Variants in CDH12 observed in about 807,000 individuals in gnomAD.
CDH12 encodes the protein cadherin-12.
CDH12 carries 41 observed loss-of-function variants against 74.1 expected under a neutral mutation model. That is an observed-to-expected ratio of 0.55 (90% CI 0.43 to 0.72). The LOEUF (loss-of-function observed/expected upper bound fraction) is 0.72, where lower values mean the gene tolerates loss of function less well. CDH12 is among the 30% of genes least tolerant of loss of function. The pLI is 0.00. For synonymous variants in CDH12, 399 were observed against 355.0 expected (o/e 1.12, Z -1.39); for missense variants, 945 against 977.2 (o/e 0.97, Z 0.44).
chr5:21,976,010 A>T (rs1428774031), intron 5 of CDH12, among the ~76,000 whole-genome samples: 1 of 152,168 alleles, frequency 6.6e-6, no homozygotes, highest in Non-Finnish European at 1.5e-5. Context: ...CTCAGAAAAC[A>T]CTAAGCATTT....
intron 3 of CDH12, among the ~76,000 whole-genome samples, chr5:22,258,091 G>A (rs1053086349): frequency 1.3e-5 from 2 of 152,052 alleles, no homozygotes; most frequent in African/African-American, 4.8e-5. Context: ...AGCTGAGGAC[G>A]TAAAGTTTTT....
At chr5:21,773,184 C>A (rs1259445592) in intron 11 of CDH12, among the ~76,000 whole-genome samples, 1 of 152,098 alleles carries the variant, frequency 6.6e-6, no homozygotes, top group Non-Finnish European at 1.5e-5. Context: ...ATTAGTGATT[C>A]TTTCTTCGAA....
intron 1 of CDH12, among the ~76,000 whole-genome samples, chr5:22,681,228 G>GGGGTGA (rs1428206303): frequency 9.5e-6 from 1 of 105,754 alleles, no homozygotes; most frequent in African/African-American, 3.1e-5. Context: ...GGTATTGGGG[G>GGGGTGA]GTGTGTGTGT....
intron 1 of CDH12, among the ~76,000 whole-genome samples, chr5:22,775,645 C>G (rs1747052261): frequency 6.6e-6 from 1 of 151,878 alleles, no homozygotes; most frequent in African/African-American, 2.4e-5. Flanking sequence ...TGTAGACTGA[C>G]TTCATGAGAA....
At chr5:22,207,751 T>C (rs973626847) in intron 4 of CDH12, among the ~76,000 whole-genome samples, 4 of 152,190 alleles carry the variant, frequency 2.6e-5, no homozygotes, top group African/African-American at 9.7e-5. Flanking sequence ...CCAAAAATAG[T>C]ATGCCCCAAA....
intron 3 of CDH12, among the ~76,000 whole-genome samples, chr5:22,217,478 A>G (rs1017472658): frequency 2.0e-5 from 3 of 151,744 alleles, no homozygotes; most frequent in Admixed American, 2.0e-4. Context: ...AAAAAAGCAG[A>G]GTGCATAATT....
At chr5:22,286,469 G>A (rs1299009059) in intron 3 of CDH12, among the ~76,000 whole-genome samples, 1 of 152,140 alleles carries the variant, frequency 6.6e-6, no homozygotes, top group Admixed American at 6.5e-5. Context: ...AAGGTTAAAG[G>A]ACAGCAGAGT....
At chr5:22,801,657 AT>A (rs1350324972) in intron 1 of CDH12, among the ~76,000 whole-genome samples, 6 of 116,268 alleles carry the variant, frequency 5.2e-5, no homozygotes, top group Admixed American at 8.2e-5. Context: ...ATATATATAT[AT>A]ATATATATAT....
chr5:22,173,868 AT>A (rs1749185885), intron 4 of CDH12, among the ~76,000 whole-genome samples: 1 of 151,904 alleles, frequency 6.6e-6, no homozygotes, highest in South Asian at 2.1e-4. Flanking sequence ...TCTAGAAAAA[AT>A]AGTTGAGCCT....
At chr5:22,458,863 C>T (rs774459819) in intron 2 of CDH12, among the ~76,000 whole-genome samples, 7 of 152,028 alleles carry the variant, frequency 4.6e-5, no homozygotes, top group Admixed American at 2.6e-4. Context: ...ACTTAGAAAA[C>T]TAAATGGCAG....
At chr5:22,021,955 C>A (rs1274026681) in intron 5 of CDH12, among the ~76,000 whole-genome samples, 1 of 152,158 alleles carries the variant, frequency 6.6e-6, no homozygotes, top group Non-Finnish European at 1.5e-5. Context: ...TCAACTTCAG[C>A]CTCCTGAGTA....
intron 1 of CDH12, among the ~76,000 whole-genome samples, chr5:22,626,367 G>C (rs1361256357): frequency 6.6e-6 from 1 of 152,120 alleles, no homozygotes; most frequent in Non-Finnish European, 1.5e-5. Context: ...TAGTGGACTG[G>C]AATCATCTCA....
chr5:22,823,569 A>G (rs543630184), intron 1 of CDH12, among the ~76,000 whole-genome samples: 2 of 152,188 alleles, frequency 1.3e-5, no homozygotes, highest in African/African-American at 4.8e-5. Flanking sequence ...CATTAGCCGC[A>G]TGAAAACATA....
At chr5:22,202,147 T>TTCCTTCCTTCC (rs1750957180) in intron 4 of CDH12, among the ~76,000 whole-genome samples, 1 of 41,060 alleles carries the variant, frequency 2.4e-5, no homozygotes, top group African/African-American at 1.0e-4. Flanking sequence ...CCCTCCCTAC[T>TTCCTTCCTTCC]TTCCTTCCTT....
intron 1 of CDH12, among the ~76,000 whole-genome samples, chr5:22,745,285 T>A (rs941313377): frequency 3.9e-5 from 6 of 151,976 alleles, no homozygotes; most frequent in African/African-American, 7.2e-5. Context: ...GATTTTTTTT[T>A]AATTAAATTG....
rs558765741 is a variant in CDH12, at chr5:22,310,499, AC to A, written c.-333+94757del. 1.2e-3 allele frequency among the ~76,000 whole-genome samples: 186 copies of A among 151,902 alleles called. No individual in the cohort carries two copies. In the Middle Eastern group the frequency reaches 0.014, roughly 11 times the overall value. On this transcript the variant is annotated intron_variant, in intron 3 of 14. Coordinates refer to ENST00000382254, the MANE Select transcript of CDH12 (RefSeq NM_004061.5). Reference sequence around the variant, plus strand: ...AATGGCAATGGCAAAAATATAATAAACCATTATAATTATATAGGGGCTCATC... The same window carrying A: ...AATGGCAATGGCAAAAATATAATAAACATTATAATTATATAGGGGCTCATC...
intron 3 of CDH12, among the ~76,000 whole-genome samples, chr5:22,315,943 C>CTA (rs1354979191): frequency 6.6e-6 from 1 of 151,854 alleles, no homozygotes; most frequent in Non-Finnish European, 1.5e-5. Flanking sequence ...CTGTCTTACT[C>CTA]TATAATGTCA....
At chr5:22,185,370 T>C (rs989449843) in intron 4 of CDH12, among the ~76,000 whole-genome samples, 1 of 152,104 alleles carries the variant, frequency 6.6e-6, no homozygotes, top group African/African-American at 2.4e-5. Context: ...GGCTAATTTT[T>C]TTTATTTACA....
intron 3 of CDH12, among the ~76,000 whole-genome samples, chr5:22,377,868 G>T (rs1403104166): frequency 1.3e-5 from 2 of 152,090 alleles, no homozygotes; most frequent in Non-Finnish European, 2.9e-5. Context: ...TGACAAAGGT[G>T]ATTTAATGCG....
Sources: allele counts gnomAD v4.1 joint callset (sites outside exome capture counted in the v4.1 genomes callset), GRCh38; gene constraint gnomAD v4.1.1; transcripts MANE v1.5; gene names NCBI Gene and HGNC (gene_info 2026-07-23, HGNC 2026-07-21).